The following LRRTM4 variants were observed in gnomAD, a reference collection of about 807,000 sequenced individuals.
LRRTM4 encodes the protein leucine-rich repeat transmembrane neuronal protein 4.
In LRRTM4, 25 loss-of-function variants were observed where a neutral mutation model predicts 47.6. The observed-to-expected ratio is 0.53, with a 90% CI of 0.38 to 0.73. The LOEUF (loss-of-function observed/expected upper bound fraction) is 0.73. Among genes scored for constraint, LRRTM4 ranks in the 30% least tolerant of loss-of-function variants. The pLI, the probability that LRRTM4 is intolerant of heterozygous loss-of-function variation, is 0.00. For synonymous variants in LRRTM4, 311 were observed against 269.5 expected (o/e 1.15, Z -1.51); for missense variants, 638 against 713.4 (o/e 0.89, Z 1.20).
At chr2:77,009,275 G>C (rs1434129548) in intron 3 of LRRTM4, 1 of 152,124 alleles carries the variant, frequency 6.6e-6, no homozygotes, top group South Asian at 2.1e-4. Flanking sequence ...ATTGGCGTCT[G>C]TAAGAAATAC....
chr2:77,025,467 G>A (rs1455925815), intron 3 of LRRTM4, among the ~76,000 whole-genome samples: 1 of 152,004 alleles, frequency 6.6e-6, no homozygotes, highest in Non-Finnish European at 1.5e-5. Flanking sequence ...AACCTCTTCT[G>A]GTTTCCTGCA....
intron 3 of LRRTM4, among the ~76,000 whole-genome samples, chr2:77,498,726 G>A (rs1032590280): frequency 2.6e-5 from 4 of 151,684 alleles, no homozygotes; most frequent in Admixed American, 6.6e-5. Context: ...TAAGCCTATA[G>A]TACTACTATT....
At chr2:77,224,051 T>A (rs957875912) in intron 3 of LRRTM4, among the ~76,000 whole-genome samples, 5 of 150,976 alleles carry the variant, frequency 3.3e-5, no homozygotes, top group Non-Finnish European at 7.4e-5. Context: ...TCAGAAATGA[T>A]GCCGCATATC....
At chr2:76,910,262 T>C (rs1285460679) in intron 3 of LRRTM4, among the ~76,000 whole-genome samples, 1 of 147,802 alleles carries the variant, frequency 6.8e-6, no homozygotes, top group Non-Finnish European at 1.5e-5. Flanking sequence ...AACCAAACAC[T>C]GCATATTCTC....
At chr2:77,360,544 T>TA (rs1168998012) in intron 3 of LRRTM4, among the ~76,000 whole-genome samples, 1,377 of 135,248 alleles carry the variant, frequency 0.01, 11 homozygotes, top group Middle Eastern at 0.019. Flanking sequence ...TACAATACAA[T>TA]CATTCATACA....
chr2:76,821,030 T>G (rs1263953025), intron 3 of LRRTM4, among the ~76,000 whole-genome samples: 2 of 151,702 alleles, frequency 1.3e-5, no homozygotes, highest in African/African-American at 4.8e-5. Flanking sequence ...CAGGATACTG[T>G]GCAAGGGTCT....
chr2:76,958,897 T>TG (rs1443614229), intron 3 of LRRTM4, among the ~76,000 whole-genome samples: 1 of 151,690 alleles, frequency 6.6e-6, no homozygotes, highest in Non-Finnish European at 1.5e-5. Context: ...AGTATCTTGC[T>TG]GGACTAGTTT....
At chr2:76,816,292 G>T (rs900246777) in intron 3 of LRRTM4, among the ~76,000 whole-genome samples, 1 of 152,094 alleles carries the variant, frequency 6.6e-6, no homozygotes, top group African/African-American at 2.4e-5. Context: ...AGGTCCCCTA[G>T]TGCCCACTGG....
intron 3 of LRRTM4, among the ~76,000 whole-genome samples, chr2:77,465,117 T>C (rs1322103311): frequency 6.6e-6 from 1 of 152,114 alleles, no homozygotes; most frequent in Non-Finnish European, 1.5e-5. Flanking sequence ...CACTGTAATA[T>C]AGTTTTTTTA....
chr2:77,086,754 C>T lies in LRRTM4; in HGVS notation c.1552-337838G>A, dbSNP rs548501686. ...AGGTAATCCGGCTGCCACAGCCTCC[C>T]AAAGTGCTGAGATTACAGGTGTGAG... On this transcript the variant is annotated intron_variant, in intron 3 of 3. Transcript: ENST00000409884. 2.0e-5 allele frequency among the ~76,000 whole-genome samples: 3 copies of T among 152,188 alleles called. No individual in the cohort carries two copies. In the East Asian group the frequency reaches 5.8e-4, roughly 29 times the overall value.
At chr2:77,360,002 C>CT (rs1244888722) in intron 3 of LRRTM4, among the ~76,000 whole-genome samples, 1 of 151,740 alleles carries the variant, frequency 6.6e-6, no homozygotes, top group Non-Finnish European at 1.5e-5. Context: ...TCTCTGAATT[C>CT]TTTTTTTTAA....
At chr2:77,423,466 C>A (rs1049992991) in intron 3 of LRRTM4, among the ~76,000 whole-genome samples, 11 of 152,062 alleles carry the variant, frequency 7.2e-5, no homozygotes, top group Non-Finnish European at 1.2e-4. Flanking sequence ...ATCACCTAAA[C>A]AGGGAGTGTT....
rs541540304 is a variant in LRRTM4 at position 77,000,540 on chromosome 2, A to G, written c.1552-251624T>C. Among the ~76,000 whole-genome samples, 4 of 152,316 alleles carry G rather than the reference A, an allele frequency of 2.6e-5. No individual in the cohort carries two copies. In the South Asian group the frequency reaches 6.2e-4, roughly 24 times the overall value. On this transcript the variant is annotated intron_variant, in intron 3 of 3. Coordinates refer to ENST00000409884, the MANE Select transcript of LRRTM4 (RefSeq NM_001134745.3). Reference sequence around the variant, plus strand: ...CTTTTAACATTAAGTGTGCTCAGGGACTGCATACTGCAAAGGCACAGTATT... The same window carrying G: ...CTTTTAACATTAAGTGTGCTCAGGGGCTGCATACTGCAAAGGCACAGTATT...
Position 76,776,223 on chromosome 2 carries a change from T to A in LRRTM4, c.1552-27307A>T, listed in dbSNP as rs201967925. On this transcript the variant is annotated intron_variant, in intron 3 of 3. Coordinates refer to ENST00000409884, the MANE Select transcript of LRRTM4 (RefSeq NM_001134745.3). ...AATAATGCCGCAATAAACATACATGTGCATGTGTCTTTATAGCAGCATGAT... is the reference window on the plus strand; with the variant it reads ...AATAATGCCGCAATAAACATACATGAGCATGTGTCTTTATAGCAGCATGAT... Among the ~76,000 whole-genome samples, 175 of 152,332 alleles carry A rather than the reference T, an allele frequency of 1.1e-3. 4 individuals carry two copies. The East Asian group carries it at 0.029, about 25-fold the overall frequency.
intron 3 of LRRTM4, among the ~76,000 whole-genome samples, chr2:77,404,112 T>C (rs1446397327): frequency 6.6e-6 from 1 of 152,000 alleles, no homozygotes; most frequent in Admixed American, 6.6e-5. Flanking sequence ...TCATTTCTAC[T>C]GTAGTTCATT....
chr2:77,235,869 T>A (rs1291323729), intron 3 of LRRTM4, among the ~76,000 whole-genome samples: 1 of 152,118 alleles, frequency 6.6e-6, no homozygotes, highest in Non-Finnish European at 1.5e-5. Context: ...TTTTGATTGG[T>A]CTATGTGTCT....
intron 3 of LRRTM4, chr2:77,009,168 A>G (rs548510613): frequency 6.6e-6 from 1 of 152,290 alleles, no homozygotes; most frequent in Admixed American, 6.5e-5. Flanking sequence ...ACAAATGGAA[A>G]GCTGACATCA....
chr2:77,215,885 A>G (rs941933788), intron 3 of LRRTM4, among the ~76,000 whole-genome samples: 1 of 152,178 alleles, frequency 6.6e-6, no homozygotes, highest in Non-Finnish European at 1.5e-5. Context: ...GTATATGTTT[A>G]TAAGTATTAT....
intron 3 of LRRTM4, among the ~76,000 whole-genome samples, chr2:77,189,491 G>A (rs1014793934): frequency 6.6e-6 from 1 of 152,090 alleles, no homozygotes; most frequent in Non-Finnish European, 1.5e-5. Flanking sequence ...TCATAAGGAT[G>A]GAGCCCTTAT....
Sources: gnomAD v4.1 joint callset for allele counts (sites outside exome capture counted in the v4.1 genomes callset) on GRCh38, gnomAD v4.1.1 for gene constraint, MANE v1.5 for transcripts, NCBI Gene and HGNC (gene_info 2026-07-23, HGNC 2026-07-21) for gene names.